The following DCN variants were observed in gnomAD, a reference collection of about 807,000 sequenced individuals.
DCN encodes decorin, also known as bone proteoglycan II.
In DCN, 17 loss-of-function variants were observed where a neutral mutation model predicts 36.5. The observed-to-expected ratio is 0.47, with a 90% CI of 0.32 to 0.70. The LOEUF (loss-of-function observed/expected upper bound fraction) is 0.70. Among genes scored for constraint, DCN ranks in the 30% least tolerant of loss-of-function variants. DCN has a pLI of 0.04. For missense variants in DCN, 389 were observed against 430.1 expected, an observed-to-expected ratio of 0.90 and a Z score of 0.84; for synonymous variants, 163 against 161.4, an observed-to-expected ratio of 1.01 and a Z score of -0.07.
chr12:91,155,228 T>G (rs995504239), intron 5 of DCN, among the ~76,000 whole-genome samples: 3 of 152,180 alleles, frequency 2.0e-5, no homozygotes, highest in Non-Finnish European at 2.9e-5. Flanking sequence ...AATTACAATT[T>G]TCTTTACCTG....
intron 2 of DCN, among the ~76,000 whole-genome samples, chr12:91,168,927 T>C (rs1208666109): frequency 6.6e-6 from 1 of 152,194 alleles, no homozygotes; most frequent in East Asian, 1.9e-4. Context: ...AGAGTTTCTC[T>C]ACATGGCATA....
At chr12:91,162,682 C>G (rs1189668440) in intron 3 of DCN, among the ~76,000 whole-genome samples, 2 of 152,168 alleles carry the variant, frequency 1.3e-5, no homozygotes, top group African/African-American at 4.8e-5. Flanking sequence ...AGGCAGGTAA[C>G]AAATCACTAG....
Position 91,152,300 on chromosome 12 carries a change from C to CATAT in DCN, c.747-512_747-509dup, listed in dbSNP as rs139523647. On this transcript the variant is annotated intron_variant, in intron 6 of 7. Coordinates refer to ENST00000052754, the MANE Select transcript of DCN (RefSeq NM_001920.5). ...GGAGTTGATTATACACACACACATG[C>CATAT]ATATATATATATATACACATTCAAA... Among the ~76,000 whole-genome samples, 1,340 of 146,502 alleles carry CATAT rather than the reference C, an allele frequency of 9.1e-3. 24 individuals carry two copies. The highest frequency in any genetic ancestry group is 0.034 in the African/African-American group (1,277 of 37,962).
chr12:91,148,721 C>CAAAAAAAAAAAAAAAAAAAAAAAA (rs5799978), intron 7 of DCN, among the ~76,000 whole-genome samples: 3 of 49,478 alleles, frequency 6.1e-5, no homozygotes, highest in African/African-American at 1.3e-4. Context: ...CGCTCCGACT[C>CAAAAAAAAAAAAAAAAAAAAAAAA]AAAAAAAAAA....
intron 3 of DCN, among the ~76,000 whole-genome samples, chr12:91,161,806 G>C (rs1337370988): frequency 1.3e-5 from 2 of 152,116 alleles, no homozygotes; most frequent in Non-Finnish European, 2.9e-5. Flanking sequence ...TCTCAAAACT[G>C]TGTCTGGTAA....
At chr12:91,177,387 G>A in intron 2 of DCN, 1 of 572,162 alleles carries the variant, frequency 1.7e-6, no homozygotes, top group Non-Finnish European at 3.1e-6. Context: ...TCTGAAAGAA[G>A]TGCCTGATCA....
chr12:91,162,379 A>G (rs1434648003), intron 3 of DCN, among the ~76,000 whole-genome samples: 2 of 152,214 alleles, frequency 1.3e-5, no homozygotes, highest in Non-Finnish European at 2.9e-5. Context: ...TGTAAAGTTT[A>G]TAACTAAATG....
intron 2 of DCN, among the ~76,000 whole-genome samples, chr12:91,170,637 A>G (rs554891778): frequency 2.8e-4 from 43 of 152,336 alleles, no homozygotes; most frequent in African/African-American, 1.0e-3. Context: ...TTGCAAATCT[A>G]TAAAATATTA....
intron 2 of DCN, among the ~76,000 whole-genome samples, chr12:91,170,129 CTT>C (rs1465114769): frequency 6.6e-6 from 1 of 151,304 alleles, no homozygotes; most frequent in Non-Finnish European, 1.5e-5. Context: ...CCTCAGTTTT[CTT>C]AAGTCTTTCA....
intron 2 of DCN, among the ~76,000 whole-genome samples, chr12:91,165,918 A>G (rs553311876): frequency 1.6e-4 from 24 of 152,304 alleles, no homozygotes; most frequent in African/African-American, 5.8e-4. Flanking sequence ...AATATAATTC[A>G]GTTTACTGTT....
Position 91,164,592 on chromosome 12 carries a change from A to C in DCN, c.324+13T>G. 6.8e-7 allele frequency: 1 copy of C among 1,466,440 alleles called. No individual in the cohort carries two copies. The highest frequency in any genetic ancestry group is 9.6e-7 in the Non-Finnish European group (1 of 1,045,928). The allele number at this position is 1,466,440 out of a possible 1,614,324, so 90.8% of individuals were successfully genotyped here. A position where few individuals can be genotyped will look rare whatever the true frequency, so the allele number is the denominator to read the frequency against. ...TCTTATCTTATTGTGAGTTAAAAAA[A>C]AATAGTTCTTACGTGAAGGTTCTTC... On this transcript the variant is annotated intron_variant, in intron 3 of 7. Coordinates refer to ENST00000052754, the MANE Select transcript of DCN (RefSeq NM_001920.5).
At chr12:91,170,241 T>C (rs11106027) in intron 2 of DCN, among the ~76,000 whole-genome samples, 1 of 152,280 alleles carries the variant, frequency 6.6e-6, no homozygotes, top group East Asian at 1.9e-4. Flanking sequence ...TTATTATTAA[T>C]AAGCAAAATA....
At chr12:91,176,404 C>T (rs1283645227) in intron 2 of DCN, 1 of 152,080 alleles carries the variant, frequency 6.6e-6, no homozygotes, top group Non-Finnish European at 1.5e-5. Flanking sequence ...AAAACTTTCT[C>T]ATCTGAAAAC....
chr12:91,152,080 C>A (rs533822134), intron 6 of DCN, among the ~76,000 whole-genome samples: 2 of 152,150 alleles, frequency 1.3e-5, no homozygotes, highest in African/African-American at 2.4e-5. Flanking sequence ...TATGGTCAAC[C>A]ATAATATTGG....
intron 7 of DCN, among the ~76,000 whole-genome samples, chr12:91,148,450 GC>G (rs1344376433): frequency 6.6e-6 from 1 of 151,962 alleles, no homozygotes; most frequent in Non-Finnish European, 1.5e-5. Flanking sequence ...GGGCGTGGTG[GC>G]TTATGTCTGT....
At chr12:91,159,428 T>TA (rs1565779410) in intron 3 of DCN, among the ~76,000 whole-genome samples, 1 of 151,414 alleles carries the variant, frequency 6.6e-6, no homozygotes, top group Admixed American at 6.6e-5. Context: ...ATTTTTTTTT[T>TA]ATTTTCCTAC....
intron 4 of DCN, 109 bp downstream of exon 4, chr12:91,158,187 C>G: frequency 1.3e-6 from 1 of 750,620 alleles, no homozygotes; most frequent in Admixed American, 2.0e-5. Context: ...CACATAGGCT[C>G]CAGGCATGTA....
At chr12:91,175,357 C>CA (rs1883228860) in intron 2 of DCN, 2 of 150,410 alleles carry the variant, frequency 1.3e-5, no homozygotes, top group East Asian at 3.9e-4. Context: ...AAAAAAAGCA[C>CA]GTGTTAATAC....
chr12:91,155,735 C>CA (rs1410725540), intron 5 of DCN, among the ~76,000 whole-genome samples: 1 of 151,902 alleles, frequency 6.6e-6, no homozygotes, highest in Non-Finnish European at 1.5e-5. Context: ...TTGTTACATG[C>CA]AAAAAATTGG....
Sources: gnomAD v4.1 joint callset for allele counts (sites outside exome capture counted in the v4.1 genomes callset) on GRCh38, gnomAD v4.1.1 for gene constraint, MANE v1.5 for transcripts, NCBI Gene and HGNC (gene_info 2026-07-23, HGNC 2026-07-21) for gene names.